Variants in ANKRD18B observed in about 807,000 individuals in gnomAD.
ANKRD18B encodes ankyrin repeat domain-containing protein 18B.
A neutral mutation model predicts 111.8 loss-of-function variants in ANKRD18B; 75 were observed. The ratio of observed to expected loss-of-function variants is 0.67; its 90% CI spans 0.56 to 0.81. The LOEUF (loss-of-function observed/expected upper bound fraction) is 0.81. Among genes scored for constraint, ANKRD18B ranks in the 40% least tolerant of loss-of-function variants. The probability of loss-of-function intolerance (pLI) is 0.00; values close to 1 mark genes in which losing one functional copy is unlikely to be tolerated. For synonymous variants in ANKRD18B, 356 were observed against 417.3 expected (o/e 0.85, Z 1.79); for missense variants, 1,038 against 1,225.5 (o/e 0.85, Z 2.28).
At chr9:33,575,219 C>A (rs958291194), downstream of ANKRD18B, among the ~76,000 whole-genome samples, 1 of 152,224 alleles carries the variant, frequency 6.6e-6, no homozygotes, top group Non-Finnish European at 1.5e-5. Context: ...CCAGGACAAC[C>A]CCATCATGGC....
chr9:33,560,093 C>T (rs1828584080), intron 14 of ANKRD18B, among the ~76,000 whole-genome samples: 1 of 152,208 alleles, frequency 6.6e-6, no homozygotes, highest in Admixed American at 6.5e-5. Flanking sequence ...CATGCTGCAT[C>T]TGTGCTGTAG....
intron 6 of ANKRD18B, among the ~76,000 whole-genome samples, chr9:33,538,224 A>G (rs1249275111): frequency 6.6e-6 from 1 of 152,198 alleles, no homozygotes; most frequent in African/African-American, 2.4e-5. Flanking sequence ...TACAAATAGG[A>G]GATTATTTTT....
intron 10 of ANKRD18B, among the ~76,000 whole-genome samples, chr9:33,546,169 A>G (rs988347766): frequency 3.9e-5 from 6 of 152,214 alleles, no homozygotes; most frequent in Admixed American, 2.0e-4. Context: ...ATACAGTGGG[A>G]GGAAAGCAAT....
In ANKRD18B at chr9:33,546,219, T is replaced by C. The variant is rs151273616; in HGVS notation, c.1150-1719T>C. On this transcript the variant is annotated intron_variant, in intron 10 of 18. Coordinates refer to ENST00000684830, the MANE Select transcript of ANKRD18B (RefSeq NM_001393611.1). ...ATGAAAATGTATCTGACCTTGAGAGTTGCAACAAATATTCCCAGCCAAACC... is the reference window on the plus strand; with the variant it reads ...ATGAAAATGTATCTGACCTTGAGAGCTGCAACAAATATTCCCAGCCAAACC... Among the ~76,000 whole-genome samples, 1,407 of 152,154 alleles carry C rather than the reference T, an allele frequency of 9.2e-3. 23 individuals are homozygous for C. The highest frequency in any genetic ancestry group is 0.032 in the African/African-American group (1,309 of 41,532).
At chr9:33,525,958 C>A (rs1828019633) in intron 1 of ANKRD18B, among the ~76,000 whole-genome samples, 1 of 151,812 alleles carries the variant, frequency 6.6e-6, no homozygotes, top group Admixed American at 6.6e-5. Context: ...CCAATCAAAT[C>A]CACAAGAAAA....
chr9:33,571,294 A>T lies in ANKRD18B; in HGVS notation c.3223+3A>T. ...AATAATTACAGAAACAAAGAAAAGT[A>T]TGTTGCCAAAATGTATTAATTAAAT... On this transcript the variant is annotated splice_donor_region_variant and intron_variant, in intron 18 of 18. Coordinates refer to ENST00000684830, the MANE Select transcript of ANKRD18B (RefSeq NM_001393611.1). 1 of 1,164,300 alleles carries T rather than the reference A, an allele frequency of 8.6e-7. No individual in the cohort carries two copies. Among genetic ancestry groups the T allele is most frequent in the Non-Finnish European group, 1.1e-6 (1 of 917,692 alleles). 72.1% of individuals were successfully genotyped at this position (1,164,300 alleles called of 1,614,324 possible).
At chr9:33,575,193 G>T (rs1828844065), downstream of ANKRD18B, among the ~76,000 whole-genome samples, 1 of 152,108 alleles carries the variant, frequency 6.6e-6, no homozygotes, top group African/African-American at 2.4e-5. Context: ...ATCTCCTCTG[G>T]ACACCCCCAG....
rs1404154501 is a variant in ANKRD18B, at chr9:33,568,681, A to G, written c.2965A>G (p.Lys989Glu). The G allele has an allele frequency of 2.6e-6, 4 of 1,539,348 alleles. No individual in the cohort carries two copies. The highest frequency in any genetic ancestry group is 3.5e-6 in the Non-Finnish European group (4 of 1,143,214). Residue 989 changes from lysine (K) to glutamate (E), a missense_variant, in exon 17 of 19, where the codon AAA becomes GAA. This residue lies in a region of ANKRD18B where 524 missense variants were observed against 677.9 expected (regional missense o/e 0.77). Coordinates refer to ENST00000684830, the MANE Select transcript of ANKRD18B (RefSeq NM_001393611.1). ...TTGCTCTCTTTACAGATCGGATAAG[A>G]AAATAGCTGTGATCAGCACCAAGCT... is the stretch of plus-strand genomic sequence containing the variant. Reference protein sequence around the residue: ...MSEKITKSDKKIAVISTKLFM... With the variant: ...MSEKITKSDKEIAVISTKLFM...
chr9:33,546,474 G>A (rs1020779326), intron 10 of ANKRD18B, among the ~76,000 whole-genome samples: 12 of 152,030 alleles, frequency 7.9e-5, no homozygotes, highest in Admixed American at 3.3e-4. Context: ...TATAAGTAGC[G>A]TAACTCCTCA....
intron 16 of ANKRD18B, among the ~76,000 whole-genome samples, chr9:33,567,885 G>T (rs1001075631): frequency 2.6e-5 from 4 of 152,218 alleles, no homozygotes; most frequent in Non-Finnish European, 4.4e-5. Flanking sequence ...TCACAGGAAT[G>T]AAAAGAAGGG....
chr9:33,548,933 A>G (rs1262923971), intron 11 of ANKRD18B, 78 bp downstream of exon 11: 1 of 1,270,740 alleles, frequency 7.9e-7, no homozygotes, highest in Non-Finnish European at 1.0e-6. Flanking sequence ...AACGTAGTTC[A>G]ATATAAAAAT....
intron 6 of ANKRD18B, among the ~76,000 whole-genome samples, chr9:33,539,152 A>T (rs1274588271): frequency 6.6e-6 from 1 of 152,256 alleles, no homozygotes; most frequent in African/African-American, 2.4e-5. Flanking sequence ...TACAAAATAC[A>T]TTTAAAAATA....
intron 3 of ANKRD18B, among the ~76,000 whole-genome samples, chr9:33,531,415 T>C (rs2763812): frequency 0.02 from 2,946 of 149,984 alleles, 63 homozygotes; most frequent in East Asian, 0.058. Flanking sequence ...CTAAATGTGG[T>C]GTATAGATTT....
intron 5 of ANKRD18B, among the ~76,000 whole-genome samples, chr9:33,536,438 A>G (rs1292414171): frequency 6.6e-6 from 1 of 152,242 alleles, no homozygotes; most frequent in Non-Finnish European, 1.5e-5. Flanking sequence ...AAATTTTTCC[A>G]TTGCTTTACT....
Position 33,524,408 on chromosome 9 carries a change from T to G in ANKRD18B, c.-82T>G. The G allele has an allele frequency of 7.1e-7, 1 of 1,411,838 alleles. No homozygotes were observed. The highest frequency in any genetic ancestry group is 9.3e-7 in the Non-Finnish European group (1 of 1,070,772). 87.5% of individuals were successfully genotyped at this position (1,411,838 alleles called of 1,614,324 possible). The stretch of plus-strand genomic sequence containing the variant: ...CTGGGTGGGGAGGGGGATCTCGAAT[T>G]TGGAGCTGGGTGGGGGTGGAAAGGC... On this transcript the variant is annotated 5_prime_UTR_variant, in exon 1 of 19. It adds an upstream start codon to the 5' untranslated region. Coordinates refer to ENST00000684830, the MANE Select transcript of ANKRD18B (RefSeq NM_001393611.1).
chr9:33,556,789 C>T lies in ANKRD18B; in HGVS notation c.2330+969C>T, dbSNP rs564689457. Among the ~76,000 whole-genome samples, 16 of 152,176 alleles carry T rather than the reference C, an allele frequency of 1.1e-4. 1 individual carries two copies. Among genetic ancestry groups the T allele is most frequent in the African/African-American group, 3.9e-4 (16 of 41,530 alleles). On this transcript the variant is annotated intron_variant, in intron 13 of 18. Coordinates refer to ENST00000684830, the MANE Select transcript of ANKRD18B (RefSeq NM_001393611.1). The stretch of plus-strand genomic sequence containing the variant: ...ATATATAGCTTGTATTTTGTTTCTG[C>T]TTCTTTGTTTTTCTTTTAGATATAA...
intron 6 of ANKRD18B, among the ~76,000 whole-genome samples, chr9:33,538,556 TG>T (rs1430591621): frequency 2.0e-5 from 3 of 152,056 alleles, no homozygotes; most frequent in Non-Finnish European, 4.4e-5. Flanking sequence ...ACCAACATGG[TG>T]AAACCCTATC....
intron 5 of ANKRD18B, among the ~76,000 whole-genome samples, chr9:33,535,083 T>C (rs1448595556): frequency 1.3e-5 from 2 of 151,998 alleles, no homozygotes; most frequent in African/African-American, 2.4e-5. Context: ...CAATCTTGCT[T>C]TACAAGTCAG....
intron 12 of ANKRD18B, among the ~76,000 whole-genome samples, chr9:33,554,144 A>G (rs1828487308): frequency 7.0e-6 from 1 of 142,054 alleles, no homozygotes; most frequent in African/African-American, 2.8e-5. Context: ...AGAAAGAGAG[A>G]GAGAGAGAAA....
Sources: allele counts gnomAD v4.1 joint callset (sites outside exome capture counted in the v4.1 genomes callset), GRCh38; gene constraint gnomAD v4.1.1; regional missense constraint gnomAD v4.1.1; transcripts MANE v1.5; gene names NCBI Gene and HGNC (gene_info 2026-07-23, HGNC 2026-07-21).